The following ANO4 variants were observed in gnomAD, a reference collection of about 807,000 sequenced individuals.
ANO4 encodes anoctamin 4, also known as anoctamin-4.
ANO4 carries 69 observed loss-of-function variants against 141.9 expected under a neutral mutation model. The ratio of observed to expected loss-of-function variants is 0.49; its 90% CI spans 0.40 to 0.59. ANO4 has a LOEUF of 0.59. Ranked by LOEUF, ANO4 falls within the 20% of genes least tolerant of loss-of-function variation. ANO4 has a pLI of 0.00. For synonymous variants in ANO4, 350 were observed against 394.3 expected, an observed-to-expected ratio of 0.89 and a Z score of 1.33; for missense variants, 894 against 1,162.2, an observed-to-expected ratio of 0.77 and a Z score of 3.36.
chr12:100,736,614 G>A (rs988140324), intron 2 of ANO4, among the ~76,000 whole-genome samples: 1 of 152,142 alleles, frequency 6.6e-6, no homozygotes, highest in Non-Finnish European at 1.5e-5. Flanking sequence ...GTACTTTGAA[G>A]TTCGAATCCC....
chr12:100,892,984 A>G (rs2040178960), intron 1 of ANO4, among the ~76,000 whole-genome samples: 1 of 152,116 alleles, frequency 6.6e-6, no homozygotes, highest in Admixed American at 6.5e-5. Flanking sequence ...ATGAAATAAG[A>G]CACAGTCCTG....
intron 24 of ANO4, among the ~76,000 whole-genome samples, chr12:101,116,347 G>A (rs1184372571): frequency 1.3e-5 from 2 of 152,178 alleles, no homozygotes; most frequent in Admixed American, 6.5e-5. Context: ...GTGTTTATGT[G>A]TATCATCAAC....
At chr12:101,112,671 G>A (rs1041469345) in intron 24 of ANO4, among the ~76,000 whole-genome samples, 3 of 152,158 alleles carry the variant, frequency 2.0e-5, no homozygotes, top group African/African-American at 7.2e-5. Context: ...ACCCCAAGGA[G>A]TTAAGTGCCA....
chr12:100,999,808 G>A (rs891292933), intron 8 of ANO4, among the ~76,000 whole-genome samples: 1 of 151,864 alleles, frequency 6.6e-6, no homozygotes, highest in Non-Finnish European at 1.5e-5. Context: ...AATTTGGGAG[G>A]CCAATGCAGG....
rs578083982 is a variant in ANO4 at position 100,784,977 on chromosome 12, TC to T, written c.358+44873del. 1.2e-3 allele frequency among the ~76,000 whole-genome samples: 183 copies of T among 152,250 alleles called. 1 individual carries two copies. Among genetic ancestry groups the T allele is most frequent in the African/African-American group, 4.3e-3 (179 of 41,534 alleles). ...TTCTTCTATTCTCTCTCTCTCTTTC[TC>T]TTTTTAAACAAAGCCCTTTGTTTTC... On this transcript the variant is annotated intron_variant, in intron 3 of 29. Transcript: ENST00000644049.
chr12:100,928,181 G>T (rs2041951858), intron 3 of ANO4, among the ~76,000 whole-genome samples: 1 of 151,964 alleles, frequency 6.6e-6, no homozygotes, highest in African/African-American at 2.4e-5. Context: ...GGGTGAGCGG[G>T]GCCGGGGGGG....
At chr12:100,876,419 C>T (rs1362572391) in intron 1 of ANO4, among the ~76,000 whole-genome samples, 1 of 152,092 alleles carries the variant, frequency 6.6e-6, no homozygotes, top group African/African-American at 2.4e-5. Flanking sequence ...CCTATGGCCA[C>T]AGTTTCCCCC....
chr12:100,918,700 AC>A (rs916041352), intron 2 of ANO4, among the ~76,000 whole-genome samples: 5 of 152,216 alleles, frequency 3.3e-5, no homozygotes, highest in African/African-American at 1.2e-4. Flanking sequence ...AAAATATAGC[AC>A]ATACAGTTAT....
intron 3 of ANO4, among the ~76,000 whole-genome samples, chr12:100,751,459 C>T (rs2032374430): frequency 6.6e-6 from 1 of 152,222 alleles, no homozygotes; most frequent in African/African-American, 2.4e-5. Context: ...TTGGGAAACA[C>T]CCTCTGGTCA....
chr12:100,783,147 A>G (rs539368833), intron 3 of ANO4, among the ~76,000 whole-genome samples: 1 of 152,282 alleles, frequency 6.6e-6, no homozygotes, highest in South Asian at 2.1e-4. Context: ...CACCTACGGT[A>G]CAATGAGGAG....
chr12:100,733,691 T>A (rs2031484980), intron 1 of ANO4: 1 of 634,076 alleles, frequency 1.6e-6, no homozygotes, highest in Non-Finnish European at 2.9e-6. Flanking sequence ...GCTGGTTTAT[T>A]TACCACCAGT....
intron 14 of ANO4, among the ~76,000 whole-genome samples, chr12:101,075,611 T>C (rs959447910): frequency 1.4e-4 from 21 of 150,456 alleles, no homozygotes; most frequent in African/African-American, 4.4e-4. Flanking sequence ...ATCAAACTTA[T>C]CATAGTGCCA....
intron 1 of ANO4, among the ~76,000 whole-genome samples, chr12:100,727,213 G>T (rs7954827): frequency 6.6e-6 from 1 of 152,116 alleles, no homozygotes; most frequent in South Asian, 2.1e-4. Context: ...CAAATTTTCA[G>T]TGTTTTTACT....
At chr12:100,739,190 A>G (rs892188111) in intron 2 of ANO4, among the ~76,000 whole-genome samples, 3 of 150,736 alleles carry the variant, frequency 2.0e-5, no homozygotes, top group African/African-American at 7.3e-5. Context: ...TTTGTGTATA[A>G]GTGAGATCAT....
At chr12:100,907,893 C>T (rs1175306786) in intron 2 of ANO4, among the ~76,000 whole-genome samples, 2 of 152,186 alleles carry the variant, frequency 1.3e-5, no homozygotes, top group South Asian at 2.1e-4. Flanking sequence ...TAAAGTCAAA[C>T]GCAGGCAGTG....
chr12:101,018,530 G>A (rs1176423992), intron 8 of ANO4, among the ~76,000 whole-genome samples: 2 of 152,098 alleles, frequency 1.3e-5, no homozygotes, highest in Non-Finnish European at 1.5e-5. Flanking sequence ...TTCCAGCCCT[G>A]TTTCCAAACC....
chr12:101,002,467 A>T (rs1322252479), intron 8 of ANO4, among the ~76,000 whole-genome samples: 3 of 152,176 alleles, frequency 2.0e-5, no homozygotes, highest in Non-Finnish European at 4.4e-5. Flanking sequence ...TGGCATACAA[A>T]ACTGCCTTTT....
chr12:100,853,609 AT>A (rs2038001675), intron 1 of ANO4, among the ~76,000 whole-genome samples: 1 of 108,760 alleles, frequency 9.2e-6, no homozygotes, highest in Non-Finnish European at 1.9e-5. Context: ...GGTATCCAAA[AT>A]TTAGCAGGTT....
intron 1 of ANO4, among the ~76,000 whole-genome samples, chr12:100,874,979 A>G (rs2135938376): frequency 6.6e-6 from 1 of 152,282 alleles, no homozygotes; most frequent in Admixed American, 6.5e-5. Context: ...ACAGGCTCCT[A>G]GGCAGAAGGG....
Sources: allele counts gnomAD v4.1 joint callset (sites outside exome capture counted in the v4.1 genomes callset), GRCh38; gene constraint gnomAD v4.1.1; transcripts MANE v1.5; gene names NCBI Gene and HGNC (gene_info 2026-07-23, HGNC 2026-07-21).